Variants in LTBP1 observed in about 807,000 individuals in gnomAD.
LTBP1 encodes latent transforming growth factor beta binding protein 1, also known as latent-transforming growth factor beta-binding protein 1.
In LTBP1, 129 loss-of-function variants were observed where a neutral mutation model predicts 207.6. That is an observed-to-expected ratio of 0.62 (90% CI 0.54 to 0.72). LTBP1 has a LOEUF of 0.72. Ranked by LOEUF, LTBP1 falls within the 30% of genes least tolerant of loss-of-function variation. LTBP1 has a pLI of 0.00. For missense variants in LTBP1, 2,281 were observed against 2,217.2 expected (o/e 1.03, Z -0.58); for synonymous variants, 963 against 833.7 (o/e 1.16, Z -2.67).
At chr2:33,139,137 C>T (rs902985362) in intron 5 of LTBP1, among the ~76,000 whole-genome samples, 7 of 151,932 alleles carry the variant, frequency 4.6e-5, no homozygotes, top group Non-Finnish European at 1.0e-4. Context: ...GGATTACAGG[C>T]GTGAGCCACC....
chr2:33,248,564 C>G (rs1485707248), intron 10 of LTBP1, among the ~76,000 whole-genome samples: 1 of 150,096 alleles, frequency 6.7e-6, no homozygotes, highest in Non-Finnish European at 1.5e-5. Context: ...ATTATTGTTT[C>G]TTTTATTTTG....
At chr2:33,174,781 A>T (rs1305826469) in intron 5 of LTBP1, among the ~76,000 whole-genome samples, 1 of 152,156 alleles carries the variant, frequency 6.6e-6, no homozygotes, top group East Asian at 1.9e-4. Context: ...AGTAACCAAA[A>T]CAGCATGGTA....
intron 3 of LTBP1, 104 bp from the exon 4 acceptor site, chr2:33,110,478 T>C (rs191198495): frequency 2.9e-5 from 30 of 1,032,706 alleles, no homozygotes; most frequent in Admixed American, 7.1e-5. Flanking sequence ...TTGCTTGGAA[T>C]TGATGCTCCT....
At chr2:32,975,915 C>G (rs973219794) in intron 2 of LTBP1, among the ~76,000 whole-genome samples, 13 of 152,238 alleles carry the variant, frequency 8.5e-5, no homozygotes, top group East Asian at 3.9e-4. Flanking sequence ...TCAGCCATTT[C>G]ATCCTAGTTA....
chr2:33,269,962 CA>C (rs1573532783), intron 15 of LTBP1, among the ~76,000 whole-genome samples: 1 of 127,234 alleles, frequency 7.9e-6, no homozygotes, highest in Admixed American at 8.5e-5. Flanking sequence ...ACCTGATATT[CA>C]ACTTTTTTTT....
intron 5 of LTBP1, among the ~76,000 whole-genome samples, chr2:33,182,707 C>T (rs1316949156): frequency 0.076 from 4,707 of 61,968 alleles, 685 homozygotes; most frequent in African/African-American, 0.14. Context: ...TATACACACA[C>T]ACACACACAC....
chr2:33,353,010 G>C (rs1352278742), intron 26 of LTBP1, among the ~76,000 whole-genome samples: 1 of 110,912 alleles, frequency 9.0e-6, no homozygotes, highest in Non-Finnish European at 1.7e-5. Flanking sequence ...ACAGAGTCTT[G>C]CTCCATTGCG....
rs189476691 is a variant in LTBP1 at position 33,186,328 on chromosome 2, C to T, written c.1202-528C>T. Among the ~76,000 whole-genome samples, 84 of 152,252 alleles carry T rather than the reference C, an allele frequency of 5.5e-4. 1 individual carries two copies. Among genetic ancestry groups the T allele is most frequent in the Non-Finnish European group, 1.0e-3 (68 of 68,014 alleles). On this transcript the variant is annotated intron_variant, in intron 5 of 33. Coordinates refer to ENST00000404816, the MANE Select transcript of LTBP1 (RefSeq NM_206943.4). ...GGTACAGGAGATGTTTTGATACAGG[C>T]ATGCAATGCGTAATCACATCATGGA...
intron 5 of LTBP1, among the ~76,000 whole-genome samples, chr2:33,139,148 G>A (rs572216182): frequency 7.9e-5 from 12 of 152,084 alleles, no homozygotes; most frequent in East Asian, 1.9e-4. Flanking sequence ...GTGAGCCACC[G>A]CGCCCGGCTA....
At chr2:33,397,015 A>C in intron 32 of LTBP1, 118 bp from the exon 33 acceptor site, 1 of 814,424 alleles carries the variant, frequency 1.2e-6, no homozygotes, top group Non-Finnish European at 1.9e-6. Flanking sequence ...AAGATGTCTG[A>C]AATATGTATG....
intron 19 of LTBP1, among the ~76,000 whole-genome samples, chr2:33,291,220 T>C (rs2093769044): frequency 6.6e-6 from 1 of 152,174 alleles, no homozygotes; most frequent in African/African-American, 2.4e-5. Flanking sequence ...CCTAGAAAAA[T>C]AGAAGTTTTA....
intron 5 of LTBP1, among the ~76,000 whole-genome samples, chr2:33,185,405 T>C (rs1275395431): frequency 5.3e-5 from 8 of 152,150 alleles, no homozygotes; most frequent in African/African-American, 1.7e-4. Flanking sequence ...CTATGAAATA[T>C]GTATATGGTG....
At chr2:33,254,852 G>GTTTTTTGTTTTTTTTTTTTT (rs2092794817) in intron 11 of LTBP1, among the ~76,000 whole-genome samples, 1 of 10,366 alleles carries the variant, frequency 9.6e-5, no homozygotes, top group Admixed American at 1.7e-3. Context: ...GCGGTGTTTG[G>GTTTTTTGTTTTTTTTTTTTT]TTTTTTTTTT....
At chr2:33,368,062 C>T (rs1256523033) in intron 31 of LTBP1, among the ~76,000 whole-genome samples, 1 of 152,024 alleles carries the variant, frequency 6.6e-6, no homozygotes, top group Non-Finnish European at 1.5e-5. Context: ...TAAAAAATAG[C>T]CGGGCCTGGT....
intron 2 of LTBP1, among the ~76,000 whole-genome samples, chr2:32,960,546 A>G (rs1379709116): frequency 2.0e-5 from 3 of 152,180 alleles, no homozygotes; most frequent in Admixed American, 6.5e-5. Context: ...TTTCTGCTCA[A>G]TATCATCATC....
chr2:33,161,484 G>C (rs2084465111), intron 5 of LTBP1, among the ~76,000 whole-genome samples: 1 of 152,132 alleles, frequency 6.6e-6, no homozygotes, highest in South Asian at 2.1e-4. Flanking sequence ...GGCCAGGCTG[G>C]TCTTTAACTC....
intron 3 of LTBP1, among the ~76,000 whole-genome samples, chr2:33,023,208 A>G (rs1261075310): frequency 3.3e-5 from 5 of 152,224 alleles, no homozygotes; most frequent in Non-Finnish European, 7.3e-5. Flanking sequence ...GTGAATTGCA[A>G]TTAGTTTTTT....
At chr2:33,222,382 A>C (rs1030700279) in intron 9 of LTBP1, among the ~76,000 whole-genome samples, 1 of 152,254 alleles carries the variant, frequency 6.6e-6, no homozygotes, top group Non-Finnish European at 1.5e-5. Flanking sequence ...GAGTTTGGAT[A>C]GAATTTAAAA....
chr2:33,268,508 G>A (rs1306189928), intron 15 of LTBP1, among the ~76,000 whole-genome samples: 4 of 152,202 alleles, frequency 2.6e-5, no homozygotes, highest in Non-Finnish European at 5.9e-5. Context: ...TATAAAGTGA[G>A]CCACATATCT....
Sources: allele counts gnomAD v4.1 joint callset (sites outside exome capture counted in the v4.1 genomes callset), GRCh38; gene constraint gnomAD v4.1.1; transcripts MANE v1.5; gene names NCBI Gene and HGNC (gene_info 2026-07-23, HGNC 2026-07-21).